Variants in RHOBTB1 observed in about 807,000 individuals in gnomAD.
RHOBTB1 encodes the protein rho-related BTB domain-containing protein 1.
RHOBTB1 carries 40 observed loss-of-function variants against 71.6 expected under a neutral mutation model. That is an observed-to-expected ratio of 0.56 (90% confidence interval 0.43 to 0.73). The LOEUF (loss-of-function observed/expected upper bound fraction) is 0.73. Among genes scored for constraint, RHOBTB1 ranks in the 30% least tolerant of loss-of-function variants. RHOBTB1 has a pLI of 0.00. For synonymous variants in RHOBTB1, 319 were observed against 334.9 expected (o/e 0.95, Z 0.52); for missense variants, 797 against 894.0 (o/e 0.89, Z 1.38).
chr10:60,992,137 A>C (rs2086891871), intron 1 of RHOBTB1, among the ~76,000 whole-genome samples: 1 of 152,192 alleles, frequency 6.6e-6, no homozygotes, highest in Admixed American at 6.5e-5. Context: ...ATCCTGGGGT[A>C]CATTTTGCAC....
intron 7 of RHOBTB1, among the ~76,000 whole-genome samples, chr10:60,882,483 G>T (rs1334736440): frequency 1.3e-5 from 2 of 152,072 alleles, no homozygotes; most frequent in East Asian, 3.9e-4. Context: ...ATATAAGTAA[G>T]ATACAATGTT....
intron 1 of RHOBTB1, among the ~76,000 whole-genome samples, chr10:60,992,300 G>A (rs1421105090): frequency 1.3e-5 from 2 of 152,054 alleles, no homozygotes; most frequent in Non-Finnish European, 2.9e-5. Flanking sequence ...AGATGTAACT[G>A]GTTTTATGAT....
At chr10:60,990,083 T>C (rs1047242481) in intron 1 of RHOBTB1, among the ~76,000 whole-genome samples, 1 of 149,990 alleles carries the variant, frequency 6.7e-6, no homozygotes, top group Non-Finnish European at 1.5e-5. Context: ...CCTGAGTTCA[T>C]GCCATTCTCC....
At chr10:60,874,501 G>C (rs890652457) in intron 9 of RHOBTB1, among the ~76,000 whole-genome samples, 1 of 152,184 alleles carries the variant, frequency 6.6e-6, no homozygotes, top group African/African-American at 2.4e-5. Flanking sequence ...AGTCTGTATT[G>C]GGATTATGTT....
intron 4 of RHOBTB1, among the ~76,000 whole-genome samples, chr10:60,907,779 TG>T (rs2082753728): frequency 6.6e-6 from 1 of 152,134 alleles, no homozygotes; most frequent in African/African-American, 2.4e-5. Context: ...AGCTCACCAA[TG>T]TAGGGTCCCA....
rs151001921 is a variant in RHOBTB1 at position 60,875,162 on chromosome 10, C to A, written c.1727-120G>T. On this transcript the variant is annotated intron_variant, in intron 8 of 10. Transcript: ENST00000337910. ...AGGAAATGTGGGACACAGCTCTGGG[C>A]AGGCATCTGAATTAAATCCAGAAGC... The A allele has an allele frequency of 1.4e-3, 951 of 701,886 alleles. 7 individuals are homozygous for A. The African/African-American group carries it at 0.014, about 10-fold the overall frequency. 43.5% of individuals were successfully genotyped at this position (701,886 alleles called of 1,614,324 possible). A position where few individuals can be genotyped will look rare whatever the true frequency, so the allele number is the denominator to read the frequency against.
At chr10:60,965,686 G>A (rs2085933539) in intron 2 of RHOBTB1, among the ~76,000 whole-genome samples, 1 of 152,042 alleles carries the variant, frequency 6.6e-6, no homozygotes, top group Admixed American at 6.6e-5. Context: ...AGGTTTCTTG[G>A]CAATTCTTCA....
upstream of RHOBTB1, chr10:61,001,522 C>G (rs2087274601): frequency 6.6e-6 from 1 of 151,546 alleles, no homozygotes; most frequent in Non-Finnish European, 1.5e-5. Flanking sequence ...CCGCCCTCTC[C>G]CACCTCGGCC....
intron 1 of RHOBTB1, among the ~76,000 whole-genome samples, chr10:60,994,792 T>C (rs2086990811): frequency 6.6e-6 from 1 of 152,092 alleles, no homozygotes; most frequent in South Asian, 2.1e-4. Flanking sequence ...ACCAATCTTG[T>C]ATTGTTCCAT....
chr10:60,867,523 G>A (rs577674927), downstream of RHOBTB1, among the ~76,000 whole-genome samples: 17 of 152,312 alleles, frequency 1.1e-4, no homozygotes, highest in East Asian at 5.8e-4. Context: ...GTCGCTTCAC[G>A]TCTGCTACTG....
At chr10:60,991,286 C>T (rs1271531045) in intron 1 of RHOBTB1, among the ~76,000 whole-genome samples, 1 of 151,984 alleles carries the variant, frequency 6.6e-6, no homozygotes. Context: ...AACAAAAATC[C>T]TCAATCTTCT....
upstream of RHOBTB1, chr10:60,944,276 G>C (rs374413434): frequency 8.1e-4 from 124 of 152,370 alleles, no homozygotes; most frequent in African/African-American, 2.8e-3. Context: ...CAGGCGGAAC[G>C]GAGCACCCGG....
chr10:60,991,945 C>T (rs757691243), intron 1 of RHOBTB1, among the ~76,000 whole-genome samples: 1 of 152,122 alleles, frequency 6.6e-6, no homozygotes, highest in Non-Finnish European at 1.5e-5. Context: ...CCCTTCTAGT[C>T]CATAGGCTAA....
upstream of RHOBTB1, among the ~76,000 whole-genome samples, chr10:60,946,134 C>T (rs1209213622): frequency 6.6e-5 from 10 of 151,656 alleles, no homozygotes; most frequent in South Asian, 2.1e-4. Context: ...GCCGAGATCG[C>T]GCCACTGCAC....
chr10:60,862,190 C>CTTTT, the RHOBTB1 span, among the ~76,000 whole-genome samples: 1 of 123,432 alleles, frequency 8.1e-6, no homozygotes, highest in African/African-American at 3.2e-5. Flanking sequence ...TCTTTTTTTT[C>CTTTT]TTTTCTTTCT....
intron 2 of RHOBTB1, among the ~76,000 whole-genome samples, chr10:60,972,803 A>G (rs1226205112): frequency 6.6e-6 from 1 of 152,072 alleles, no homozygotes; most frequent in Non-Finnish European, 1.5e-5. Flanking sequence ...AGCTTAATCT[A>G]ACTACTGCTA....
At chr10:60,942,925 G>GT (rs1458215995) in intron 1 of RHOBTB1, among the ~76,000 whole-genome samples, 2 of 152,014 alleles carry the variant, frequency 1.3e-5, no homozygotes, top group Non-Finnish European at 2.9e-5. Context: ...GTTGGGGGTG[G>GT]GGGAGCCCCA....
At chr10:60,894,494 TTACTTAG>T (rs1350320034) in intron 4 of RHOBTB1, among the ~76,000 whole-genome samples, 1 of 152,174 alleles carries the variant, frequency 6.6e-6, no homozygotes, top group Non-Finnish European at 1.5e-5. Flanking sequence ...GGATTCTGAT[TTACTTAG>T]TGAAATATTC....
chr10:60,881,602 C>T (rs986428870), intron 7 of RHOBTB1, among the ~76,000 whole-genome samples: 1 of 152,148 alleles, frequency 6.6e-6, no homozygotes, highest in African/African-American at 2.4e-5. Context: ...CCCTCTCTCA[C>T]CCTCAGTCTC....
Sources: gnomAD v4.1 joint callset for allele counts (sites outside exome capture counted in the v4.1 genomes callset) on GRCh38, gnomAD v4.1.1 for gene constraint, MANE v1.5 for transcripts, NCBI Gene and HGNC (gene_info 2026-07-23, HGNC 2026-07-21) for gene names.